Variants in ZNF716 observed in about 807,000 individuals in gnomAD.
The protein encoded by ZNF716 is zinc finger protein 716.
Under a neutral mutation model 13.4 loss-of-function variants are expected in ZNF716, and 9 were observed. That is an observed-to-expected ratio of 0.67 (90% CI 0.41 to 1.18). The LOEUF is 1.18. Ranked by LOEUF, ZNF716 falls within the 50% of genes most tolerant of loss-of-function variation. The pLI, the probability that ZNF716 is intolerant of heterozygous loss-of-function variation, is 0.01. For missense variants in ZNF716, 581 were observed against 576.6 expected (o/e 1.01, Z -0.08); for synonymous variants, 186 against 195.2 (o/e 0.95, Z 0.39).
intron 1 of ZNF716, among the ~76,000 whole-genome samples, chr7:57,451,493 G>GCTGGAGT (rs1255763573): frequency 8.0e-6 from 1 of 124,644 alleles, no homozygotes; most frequent in Non-Finnish European, 1.6e-5. Context: ...TGTTGCCCAA[G>GCTGGAGT]CTGGAGTTCA....
chr7:57,454,530 G>A (rs1789553119), intron 1 of ZNF716, among the ~76,000 whole-genome samples: 1 of 152,120 alleles, frequency 6.6e-6, no homozygotes, highest in African/African-American at 2.4e-5. Flanking sequence ...AGATGTCCCA[G>A]CCTGCTCACT....
intron 1 of ZNF716, among the ~76,000 whole-genome samples, chr7:57,460,109 C>T (rs13242480): frequency 0.38 from 58,128 of 151,658 alleles, 11,314 homozygotes; most frequent in East Asian, 0.51. Flanking sequence ...GCATTCAGGC[C>T]GGGTGCGGTG....
chr7:57,467,709 AGTTT>A (rs1266509768), intron 3 of ZNF716, among the ~76,000 whole-genome samples: 1 of 151,522 alleles, frequency 6.6e-6, no homozygotes, highest in Non-Finnish European at 1.5e-5. Context: ...TGTATATCCT[AGTTT>A]GTTTGTTTAG....
At chr7:57,454,610 G>C (rs570349601) in intron 1 of ZNF716, among the ~76,000 whole-genome samples, 3 of 152,344 alleles carry the variant, frequency 2.0e-5, no homozygotes, top group Non-Finnish European at 4.4e-5. Context: ...CCCACAGGCA[G>C]ATGTAGTTAG....
At chr7:57,462,231 A>C (rs782191254) in intron 1 of ZNF716, among the ~76,000 whole-genome samples, 1 of 151,970 alleles carries the variant, frequency 6.6e-6, no homozygotes, top group Non-Finnish European at 1.5e-5. Context: ...AAAGTATCAT[A>C]TCTACAGTGG....
chr7:57,457,086 T>TA (rs1417850185), intron 1 of ZNF716, among the ~76,000 whole-genome samples: 1 of 152,140 alleles, frequency 6.6e-6, no homozygotes, highest in African/African-American at 2.4e-5. Flanking sequence ...CCACAGCACT[T>TA]ATGCTTTTAG....
At chr7:57,463,272 G>A (rs1554323482) in intron 3 of ZNF716, 104 bp downstream of exon 3, 1 of 1,471,628 alleles carries the variant, frequency 6.8e-7, no homozygotes, top group Non-Finnish European at 9.2e-7. Flanking sequence ...TTCGATGGAA[G>A]AGTTTCTGAG....
chr7:57,454,103 G>T (rs1468855887), intron 1 of ZNF716, among the ~76,000 whole-genome samples: 1 of 152,188 alleles, frequency 6.6e-6, no homozygotes, highest in East Asian at 1.9e-4. Context: ...AAATTGTTGG[G>T]ATTACAGGCA....
chr7:57,462,159 T>TA (rs35458423), intron 1 of ZNF716, among the ~76,000 whole-genome samples: 54,963 of 142,990 alleles, frequency 0.38, 10,346 homozygotes, highest in East Asian at 0.51. Flanking sequence ...AGCCTCGGTT[T>TA]AAAAAAAAAA....
chr7:57,470,372 C>G lies in ZNF716; in HGVS notation c.*423C>G, dbSNP rs569907290. 73 of 160,442 alleles carry G rather than the reference C, an allele frequency of 4.5e-4. 1 individual carries two copies. Among genetic ancestry groups the G allele is most frequent in the Non-Finnish European group, 4.7e-4 (34 of 72,942 alleles). 9.9% of individuals were successfully genotyped at this position (160,442 alleles called of 1,614,324 possible). A position where few individuals can be genotyped will look rare whatever the true frequency, so the allele number is the denominator to read the frequency against. On this transcript the variant is annotated 3_prime_UTR_variant, in exon 4 of 4. Coordinates refer to ENST00000420713, the MANE Select transcript of ZNF716 (RefSeq NM_001159279.1). The stretch of plus-strand genomic sequence containing the variant: ...AGAGATGGGGTTTCACCATTTTGAC[C>G]AGGCTGGTCTCAAACTCCTGACTTC...
chr7:57,472,429 G>C lies in ZNF716; in HGVS notation c.*2480G>C, dbSNP rs1212803369. 3 of 151,050 alleles carry C rather than the reference G, an allele frequency of 2.0e-5. No homozygotes were observed. Among genetic ancestry groups the C allele is most frequent in the African/African-American group, 7.3e-5 (3 of 41,036 alleles). 9.4% of individuals were successfully genotyped at this position (151,050 alleles called of 1,614,324 possible). On this transcript the variant is annotated 3_prime_UTR_variant, in exon 4 of 4. Transcript: ENST00000420713. ...TGACAATATACTATTTGTTAATGTA[G>C]GGGAATGACATCACTAGTAGTCTCT...
At chr7:57,463,869 C>T (rs371141878) in intron 3 of ZNF716, among the ~76,000 whole-genome samples, 3 of 151,882 alleles carry the variant, frequency 2.0e-5, no homozygotes, top group Admixed American at 6.6e-5. Flanking sequence ...ATGATGGCTG[C>T]GTCTTTTTTT....
At chr7:57,457,781 T>A (rs1188434735) in intron 1 of ZNF716, among the ~76,000 whole-genome samples, 1 of 152,158 alleles carries the variant, frequency 6.6e-6, no homozygotes. Context: ...CCCAACAGAT[T>A]TGTTTTCTGG....
intron 1 of ZNF716, among the ~76,000 whole-genome samples, chr7:57,460,338 T>C (rs1316572232): frequency 1.5e-5 from 2 of 137,152 alleles, no homozygotes; most frequent in African/African-American, 2.8e-5. Flanking sequence ...GAGGTTGCAG[T>C]GAGCTGAGAT....
Position 57,454,979 on chromosome 7 carries a change from T to G in ZNF716, c.39+4652T>G, listed in dbSNP as rs376554995. On this transcript the variant is annotated intron_variant, in intron 1 of 3. Coordinates refer to ENST00000420713, the MANE Select transcript of ZNF716 (RefSeq NM_001159279.1). ...AGGCGGAGCTTGCAGTGAGCAGAGA[T>G]AGCGCCATTGCACTACAGCCTGGGT... Among the ~76,000 whole-genome samples, 3 of 150,794 alleles carry G rather than the reference T, an allele frequency of 2.0e-5. No homozygotes were observed. In the South Asian group the frequency reaches 6.3e-4, roughly 32 times the overall value.
At chr7:57,459,006 A>T (rs34451941) in intron 1 of ZNF716, among the ~76,000 whole-genome samples, 58,343 of 151,850 alleles carry the variant, frequency 0.38, 11,410 homozygotes, top group East Asian at 0.51. Context: ...TAGTTTCAAA[A>T]TTTTTTTATT....
rs781957661 is a variant in ZNF716 at position 57,469,169 on chromosome 7, T to C, written c.708T>C (p.Thr236=). The C allele has an allele frequency of 6.2e-7, 1 of 1,612,626 alleles. No homozygotes were observed. The stretch of plus-strand genomic sequence containing the variant: ...TTACTAGACATAAAAGAATTCATAC[T>C]GGAGAGAAACCCTACAGATGTGAGG... The part of the protein sequence containing the change: ...STLTRHKRIH[T]GEKPYRCEEC... The change falls in exon 4 of 4, where the codon ACT becomes ACC. Residue 236 remains threonine (T), a synonymous_variant. Transcript: ENST00000420713.
intron 3 of ZNF716, among the ~76,000 whole-genome samples, chr7:57,467,317 A>G (rs782195166): frequency 6.7e-6 from 1 of 149,848 alleles, no homozygotes; most frequent in Non-Finnish European, 1.5e-5. Context: ...TTGTAGATGC[A>G]TATGTTTTTC....
intron 1 of ZNF716, among the ~76,000 whole-genome samples, chr7:57,451,304 C>T (rs1321701044): frequency 1.3e-5 from 2 of 151,856 alleles, no homozygotes; most frequent in Non-Finnish European, 1.5e-5. Context: ...CGTGATCCCC[C>T]CGTGCCCAGC....
Sources: gnomAD v4.1 joint callset for allele counts (sites outside exome capture counted in the v4.1 genomes callset) on GRCh38, gnomAD v4.1.1 for gene constraint, MANE v1.5 for transcripts, NCBI Gene and HGNC (gene_info 2026-07-23, HGNC 2026-07-21) for gene names.